Variants in NVL observed in about 807,000 individuals in gnomAD.
NVL encodes nuclear VCP like, also known as nuclear valosin-containing protein-like.
In NVL, 84 loss-of-function variants were observed where a neutral mutation model predicts 110.2. The ratio of observed to expected loss-of-function variants is 0.76; its 90% CI spans 0.64 to 0.91. NVL has a LOEUF of 0.91. NVL is among the 40% of genes least tolerant of loss of function. The pLI is 0.00. For synonymous variants in NVL, 354 were observed against 361.1 expected (o/e 0.98, Z 0.22); for missense variants, 882 against 1,035.9 (o/e 0.85, Z 2.04).
intron 15 of NVL, among the ~76,000 whole-genome samples, chr1:224,285,696 T>G (rs1666793348): frequency 6.6e-6 from 1 of 151,874 alleles, no homozygotes; most frequent in Admixed American, 6.6e-5. Context: ...TTATAAATAA[T>G]AACAATACCA....
At chr1:224,247,906 C>G (rs1662039850) in intron 19 of NVL, among the ~76,000 whole-genome samples, 1 of 152,152 alleles carries the variant, frequency 6.6e-6, no homozygotes, top group Non-Finnish European at 1.5e-5. Context: ...CTAGACATTG[C>G]CAAATGTTCC....
chr1:224,293,358 C>A (rs527783903), intron 12 of NVL, among the ~76,000 whole-genome samples: 2 of 152,228 alleles, frequency 1.3e-5, no homozygotes, highest in East Asian at 3.9e-4. Flanking sequence ...CGTGAGCCAC[C>A]GTGCCTGGCC....
intron 18 of NVL, among the ~76,000 whole-genome samples, chr1:224,256,701 T>TG (rs1325667973): frequency 6.6e-6 from 1 of 152,340 alleles, no homozygotes; most frequent in African/African-American, 2.4e-5. Context: ...TAAAGGCTCC[T>TG]GCAAGATTCT....
At chr1:224,230,475 G>A (rs1303477430) in intron 22 of NVL, among the ~76,000 whole-genome samples, 2 of 151,982 alleles carry the variant, frequency 1.3e-5, no homozygotes, top group African/African-American at 4.8e-5. Flanking sequence ...ATGGTGGTGC[G>A]CACCTATAGT....
Position 224,237,616 on chromosome 1 carries a change from C to T in NVL, c.2290-1034G>A, listed in dbSNP as rs567472437. On this transcript the variant is annotated intron_variant, in intron 19 of 22. Coordinates refer to ENST00000281701, the MANE Select transcript of NVL (RefSeq NM_002533.4). ...TCTTCCCTCCAGGGTATTGCTCTGT[C>T]GCCCAGGCAGGAGTGAGTGGAACAA... 5.1e-4 allele frequency among the ~76,000 whole-genome samples: 78 copies of T among 152,222 alleles called. 1 individual carries two copies. The highest frequency in any genetic ancestry group is 1.2e-3 in the Admixed American group (19 of 15,290).
chr1:224,256,108 G>T (rs577476148), intron 18 of NVL, among the ~76,000 whole-genome samples: 42 of 152,020 alleles, frequency 2.8e-4, no homozygotes, highest in African/African-American at 1.0e-3. Flanking sequence ...TTACCATGCC[G>T]TTGAAACATC....
chr1:224,300,997 T>C (rs1298003963), intron 9 of NVL, among the ~76,000 whole-genome samples: 3 of 151,060 alleles, frequency 2.0e-5, no homozygotes, highest in African/African-American at 7.3e-5. Flanking sequence ...CCCAGCTACT[T>C]GGGAAGGCTG....
At chr1:224,265,364 C>T (rs555819842) in intron 18 of NVL, among the ~76,000 whole-genome samples, 26 of 151,682 alleles carry the variant, frequency 1.7e-4, no homozygotes, top group Non-Finnish European at 3.7e-4. Context: ...ATTAGCTAGG[C>T]GTAGTGGCAC....
chr1:224,322,682 G>T (rs768410488), intron 2 of NVL, among the ~76,000 whole-genome samples: 6 of 152,184 alleles, frequency 3.9e-5, no homozygotes, highest in Non-Finnish European at 5.9e-5. Flanking sequence ...CGCAGGGCGT[G>T]GTGGCTCATG....
At chr1:224,307,177 G>A (rs965473114) in intron 6 of NVL, among the ~76,000 whole-genome samples, 3 of 152,068 alleles carry the variant, frequency 2.0e-5, no homozygotes, top group African/African-American at 7.2e-5. Flanking sequence ...AAAGTCTAAT[G>A]TACACTTTAA....
chr1:224,316,691 A>G (rs1415354534), intron 4 of NVL, among the ~76,000 whole-genome samples: 1 of 151,466 alleles, frequency 6.6e-6, no homozygotes. Flanking sequence ...AAAAGAAAAA[A>G]GTTTGCCTAG....
At chr1:224,239,091 C>A (rs1326081481) in intron 19 of NVL, among the ~76,000 whole-genome samples, 1 of 152,128 alleles carries the variant, frequency 6.6e-6, no homozygotes, top group African/African-American at 2.4e-5. Context: ...TGTAACAATT[C>A]ATGGAGCTGG....
Position 224,253,785 on chromosome 1 carries a change from A to C in NVL, c.2183-3467T>G, listed in dbSNP as rs189448537. On this transcript the variant is annotated intron_variant, in intron 18 of 22. Transcript: ENST00000281701. Reference sequence around the variant, plus strand: ...AAGAAATTGCCAAACTGTTTTCCAAACTACTTGTACCATTACATTCCCATC... The same window carrying C: ...AAGAAATTGCCAAACTGTTTTCCAACCTACTTGTACCATTACATTCCCATC... Among the ~76,000 whole-genome samples the C allele has an allele frequency of 5.7e-3, 870 of 152,054 alleles. 3 individuals carry two copies. Among genetic ancestry groups the C allele is most frequent in the Middle Eastern group, 0.014 (4 of 294 alleles).
intron 1 of NVL, among the ~76,000 whole-genome samples, chr1:224,328,960 C>T (rs1048114138): frequency 6.6e-6 from 1 of 152,000 alleles, no homozygotes; most frequent in African/African-American, 2.4e-5. Context: ...AATCCCAGCA[C>T]TTTGGGAGGC....
rs112943243 is a variant in NVL at position 224,308,934 on chromosome 1, G to A, written c.343-671C>T. Among the ~76,000 whole-genome samples the A allele has an allele frequency of 6.3e-3, 936 of 149,502 alleles. 9 individuals carry two copies. The highest frequency in any genetic ancestry group is 0.022 in the African/African-American group (879 of 40,680). On this transcript the variant is annotated intron_variant, in intron 5 of 22. Coordinates refer to ENST00000281701, the MANE Select transcript of NVL (RefSeq NM_002533.4). ...AAATTAGCCAGGCGTGATGGCGGAC[G>A]CCTGTAGTCCCAGCTACTCGGGAGG...
chr1:224,257,026 G>A (rs1198681393), intron 18 of NVL: 2 of 522,912 alleles, frequency 3.8e-6, no homozygotes, highest in Non-Finnish European at 7.9e-6. Flanking sequence ...TTATGTCAGA[G>A]ACAGAATTCT....
chr1:224,304,922 C>A, intron 7 of NVL, 110 bp from the exon 8 acceptor site: 1 of 1,507,566 alleles, frequency 6.6e-7, no homozygotes, highest in Non-Finnish European at 9.1e-7. Context: ...GAAATATTTC[C>A]TGGTAAACAT....
At chr1:224,315,470 C>T (rs773561070) in intron 4 of NVL, among the ~76,000 whole-genome samples, 1 of 152,122 alleles carries the variant, frequency 6.6e-6, no homozygotes. Context: ...TCTCAGCAAT[C>T]TAGGAATATT....
At chr1:224,229,300 A>AAAAAAAAT (rs1553301601) in intron 22 of NVL, among the ~76,000 whole-genome samples, 7 of 151,618 alleles carry the variant, frequency 4.6e-5, no homozygotes, top group South Asian at 2.1e-4. Context: ...CTGTCTCAAA[A>AAAAAAAAT]AAATAAATAA....
Sources: gnomAD v4.1 joint callset for allele counts (sites outside exome capture counted in the v4.1 genomes callset) on GRCh38, gnomAD v4.1.1 for gene constraint, MANE v1.5 for transcripts, NCBI Gene and HGNC (gene_info 2026-07-23, HGNC 2026-07-21) for gene names.